AVL9: variants seen among roughly 807,000 people sequenced by gnomAD.
AVL9 encodes late secretory pathway protein AVL9 homolog.
AVL9 carries 49 observed loss-of-function variants against 79.2 expected under a neutral mutation model. That is an observed-to-expected ratio of 0.62 (90% confidence interval 0.49 to 0.79). The LOEUF (loss-of-function observed/expected upper bound fraction) is 0.79. Among genes scored for constraint, AVL9 ranks in the 30% least tolerant of loss-of-function variants. AVL9 has a pLI of 0.00. For synonymous variants in AVL9, 299 were observed against 280.6 expected (o/e 1.07, Z -0.65); for missense variants, 682 against 776.8 (o/e 0.88, Z 1.45).
rs1311075056 is a variant in AVL9 at position 32,586,137 on chromosome 7, C to CTGAAA, written c.*2232_*2236dup. On this transcript the variant is annotated 3_prime_UTR_variant, in exon 16 of 16. Transcript: ENST00000318709. The stretch of plus-strand genomic sequence containing the variant: ...AGCCCAACTCATGCTTTGGAATCCA[C>CTGAAA]TGAAATAAAAATAGTTACATGAAGT... The CTGAAA allele has an allele frequency of 1.3e-5, 2 of 152,162 alleles. No homozygotes were observed. The highest frequency in any genetic ancestry group is 4.8e-5 in the African/African-American group (2 of 41,436). 9.4% of individuals were successfully genotyped at this position (152,162 alleles called of 1,614,324 possible). A position where few individuals can be genotyped will look rare whatever the true frequency, so the allele number is the denominator to read the frequency against.
intron 1 of AVL9, among the ~76,000 whole-genome samples, chr7:32,503,369 TATATACACACAC>T (rs1787252032): frequency 3.9e-5 from 4 of 101,318 alleles, no homozygotes; most frequent in Admixed American, 2.5e-4. Flanking sequence ...GAGATATATA[TATATACACACAC>T]ACACACACAC....
intron 1 of AVL9, among the ~76,000 whole-genome samples, chr7:32,531,320 TTC>T (rs1255242008): frequency 1.4e-5 from 2 of 142,058 alleles, no homozygotes; most frequent in East Asian, 4.1e-4. Context: ...CAGATAAGTT[TTC>T]TTTTTCTTTC....
In AVL9 at chr7:32,557,850, ACT is replaced by A. The variant is rs1790135199; in HGVS notation, c.610-706_610-705del. On this transcript the variant is annotated intron_variant, in intron 8 of 15. Coordinates refer to ENST00000318709, the MANE Select transcript of AVL9 (RefSeq NM_015060.3). ...AGTACTTCTATGTTTATTAGCTGTT[ACT>A]CTTTTTTTTTTTTTTTTTTTTGAGA... Among the ~76,000 whole-genome samples, 5 of 66,222 alleles carry A rather than the reference ACT, an allele frequency of 7.6e-5. 1 individual carries two copies. The highest frequency in any genetic ancestry group is 3.5e-4 in the African/African-American group (5 of 14,362). 43.4% of individuals were successfully genotyped at this position (66,222 alleles called of 152,430 possible).
At chr7:32,550,147 A>T (rs1246885191) in intron 4 of AVL9, among the ~76,000 whole-genome samples, 1 of 152,174 alleles carries the variant, frequency 6.6e-6, no homozygotes, top group Non-Finnish European at 1.5e-5. Flanking sequence ...TTCCTGAGTA[A>T]TCATTCTTCA....
intron 1 of AVL9, among the ~76,000 whole-genome samples, chr7:32,512,863 A>G (rs912204245): frequency 1.3e-5 from 2 of 152,100 alleles, no homozygotes; most frequent in Non-Finnish European, 2.9e-5. Flanking sequence ...TATATGTAGA[A>G]TGAACTCGCT....
chr7:32,570,080 G>A lies in AVL9; in HGVS notation c.1276G>A (p.Val426Ile), dbSNP rs765857233. The stretch of plus-strand genomic sequence containing the variant: ...GCATCATCTTCTCTCCGATGTCACC[G>A]TTCGGGGGTTTGTTGCTGGAGCTAC... ...QQHHLLSDVT[V>I]RGFVAGATNI... Residue 426 changes from valine (V) to isoleucine (I), a missense_variant, in exon 11 of 16, where the codon GTT becomes ATT. Physicochemically the swap from Val to Ile is conservative, Grantham distance 29. Transcript: ENST00000318709. The A allele has an allele frequency of 1.1e-5, 17 of 1,614,048 alleles. No homozygotes were observed. The highest frequency in any genetic ancestry group is 5.0e-5 in the Admixed American group (3 of 60,006).
At chr7:32,557,594 G>A (rs1401312295) in intron 8 of AVL9, among the ~76,000 whole-genome samples, 1 of 152,154 alleles carries the variant, frequency 6.6e-6, no homozygotes, top group Admixed American at 6.6e-5. Flanking sequence ...AGGTAGTGGT[G>A]TGTCTCTGTC....
At chr7:32,563,799 T>C (rs1790434033) in intron 10 of AVL9, among the ~76,000 whole-genome samples, 2 of 152,162 alleles carry the variant, frequency 1.3e-5, no homozygotes, top group South Asian at 4.1e-4. Flanking sequence ...CCCAGAGTCA[T>C]TGTTGGTGAA....
chr7:32,572,031 A>T (rs1273807187), intron 11 of AVL9, among the ~76,000 whole-genome samples: 2 of 151,954 alleles, frequency 1.3e-5, no homozygotes, highest in South Asian at 4.1e-4. Context: ...ACATGGTGGC[A>T]GGTGCCTGTA....
At position 32,559,129 on chromosome 7, in the gene AVL9, G is replaced by A; in HGVS notation, c.880G>A (p.Glu294Lys). The A allele has an allele frequency of 1.2e-6, 2 of 1,614,086 alleles. No individual in the cohort carries two copies. The highest frequency in any genetic ancestry group is 1.7e-6 in the Non-Finnish European group (2 of 1,180,000). The change falls in exon 10 of 16, where the codon GAG (glutamate) becomes AAG (lysine). Residue 294 changes from glutamate to lysine, a missense_variant. Physicochemically the swap from Glu to Lys is moderately conservative, Grantham distance 56 (BLOSUM62 1). Transcript: ENST00000318709. ...TGGAGAAGATGCTGCCATGAAGACT[G>A]AGGAGCCTTTGTTCCAAGTGGAAGA... is the stretch of plus-strand genomic sequence containing the variant. ...NHGEDAAMKT[E>K]EPLFQVEDSS...
chr7:32,521,021 C>T (rs1188326855), intron 1 of AVL9, among the ~76,000 whole-genome samples: 4 of 151,942 alleles, frequency 2.6e-5, no homozygotes, highest in Non-Finnish European at 5.9e-5. Context: ...TTTCTCTTCC[C>T]GCCGACATGT....
At chr7:32,503,617 C>T (rs1787277355) in intron 1 of AVL9, among the ~76,000 whole-genome samples, 1 of 148,940 alleles carries the variant, frequency 6.7e-6, no homozygotes, top group Non-Finnish European at 1.5e-5. Context: ...TGCCTTTCAT[C>T]ACATCACTGT....
At chr7:32,546,716 G>A (rs931857496) in intron 3 of AVL9, among the ~76,000 whole-genome samples, 2 of 151,978 alleles carry the variant, frequency 1.3e-5, no homozygotes, top group Non-Finnish European at 2.9e-5. Context: ...CCAGCTACTC[G>A]GGAGGCTGAG....
chr7:32,545,199 C>T (rs1418716712), intron 3 of AVL9, among the ~76,000 whole-genome samples: 1 of 150,614 alleles, frequency 6.6e-6, no homozygotes, highest in Non-Finnish European at 1.5e-5. Context: ...TTTTGAACTC[C>T]TAGGCTCAAG....
At chr7:32,506,074 A>G (rs1787400060) in intron 1 of AVL9, among the ~76,000 whole-genome samples, 1 of 152,100 alleles carries the variant, frequency 6.6e-6, no homozygotes, top group South Asian at 2.1e-4. Context: ...GAAGATGTAT[A>G]TTTTTCTAAT....
At position 32,559,042 on chromosome 7, in the gene AVL9, T is replaced by C. The variant is rs1255830141; in HGVS notation, c.793T>C (p.Ser265Pro). ...NPCADDFVSA[S>P]TADVSHTNLG... ...ATGTGCAGATGATTTTGTTTCTGCATCCACTGCTGATGTTTCACATACCAA... is the reference window on the plus strand; with the variant it reads ...ATGTGCAGATGATTTTGTTTCTGCACCCACTGCTGATGTTTCACATACCAA... The change falls in exon 10 of 16, where the codon TCC becomes CCC. Residue 265 changes from serine to proline, a missense_variant. Physicochemically the swap from Ser to Pro is moderately conservative, Grantham distance 74. Coordinates refer to ENST00000318709, the MANE Select transcript of AVL9 (RefSeq NM_015060.3). 6.2e-7 allele frequency: 1 copy of C among 1,614,040 alleles called. No homozygotes were observed. Among genetic ancestry groups the C allele is most frequent in the Non-Finnish European group, 8.5e-7 (1 of 1,180,020 alleles).
chr7:32,537,220 T>C lies in AVL9; in HGVS notation c.94-5921T>C, dbSNP rs574499383. 3.3e-5 allele frequency: 5 copies of C among 152,220 alleles called. No individual in the cohort carries two copies. In the South Asian group the frequency reaches 1.0e-3, roughly 32 times the overall value. 9.4% of individuals were successfully genotyped at this position (152,220 alleles called of 1,614,324 possible). On this transcript the variant is annotated intron_variant, in intron 1 of 15. Coordinates refer to ENST00000318709, the MANE Select transcript of AVL9 (RefSeq NM_015060.3). ...CACCTTAGCATAAACTCAAGTATGA[T>C]TGATTGGGGCTTATTATGAATAACA...
intron 1 of AVL9, among the ~76,000 whole-genome samples, chr7:32,516,744 A>G (rs946952113): frequency 1.4e-5 from 2 of 141,696 alleles, no homozygotes; most frequent in Non-Finnish European, 3.0e-5. Flanking sequence ...ACTTCAACCC[A>G]TTCCACTAAA....
At chr7:32,522,693 A>T (rs1033086022) in intron 1 of AVL9, among the ~76,000 whole-genome samples, 9 of 152,094 alleles carry the variant, frequency 5.9e-5, no homozygotes, top group Non-Finnish European at 1.2e-4. Flanking sequence ...ATTGGTTTTG[A>T]AATGGGAGGA....
Sources: gnomAD v4.1 joint callset for allele counts (sites outside exome capture counted in the v4.1 genomes callset) on GRCh38, gnomAD v4.1.1 for gene constraint, MANE v1.5 for transcripts, NCBI Gene and HGNC (gene_info 2026-07-23, HGNC 2026-07-21) for gene names.